Variants in COBL observed in about 807,000 individuals in gnomAD.
COBL encodes the protein cordon-bleu WH2 repeat protein, also known as protein cordon-bleu.
A neutral mutation model predicts 98.8 loss-of-function variants in COBL; 51 were observed. The observed-to-expected ratio is 0.52, with a 90% CI of 0.41 to 0.65. The LOEUF (loss-of-function observed/expected upper bound fraction) is 0.65, where lower values mean the gene tolerates loss of function less well. COBL is among the 30% of genes least tolerant of loss of function. COBL has a pLI of 0.00. For synonymous variants in COBL, 634 were observed against 651.7 expected (o/e 0.97, Z 0.41); for missense variants, 1,617 against 1,617.5 (o/e 1.00, Z 0.01).
chr7:51,291,160 C>T (rs766802619), intron 1 of COBL, among the ~76,000 whole-genome samples: 1 of 152,084 alleles, frequency 6.6e-6, no homozygotes, highest in Non-Finnish European at 1.5e-5. Flanking sequence ...AGGGGCACAG[C>T]GGGGAACAGG....
intron 1 of COBL, chr7:51,259,671 G>C (rs1267413043): frequency 1.4e-6 from 1 of 736,768 alleles, no homozygotes; most frequent in Non-Finnish European, 2.5e-6. Flanking sequence ...TTGTCTGTCT[G>C]AGGGATGGTC....
rs574842468 is a variant in COBL at position 51,264,255 on chromosome 7, C to T, written c.42-44311G>A. ...AATGGCAGGGCAGAAGGGGCTCAAA[C>T]GTTCTTCCTTTAGGGGCCTGGCTGA... On this transcript the variant is annotated intron_variant, in intron 1 of 12. Transcript: ENST00000265136. 2.0e-5 allele frequency among the ~76,000 whole-genome samples: 3 copies of T among 152,282 alleles called. No individual in the cohort carries two copies. In the South Asian group the frequency reaches 6.2e-4, roughly 32 times the overall value.
intron 1 of COBL, among the ~76,000 whole-genome samples, chr7:51,232,807 C>T (rs1051560747): frequency 6.6e-6 from 1 of 151,464 alleles, no homozygotes; most frequent in Non-Finnish European, 1.5e-5. Flanking sequence ...AGAGACCCCA[C>T]CACAAAAAAA....
intron 6 of COBL, among the ~76,000 whole-genome samples, chr7:51,086,456 T>A (rs2128942153): frequency 6.8e-6 from 1 of 147,554 alleles, no homozygotes; most frequent in East Asian, 2.1e-4. Context: ...AGTCTGTACC[T>A]CCAGTCCAAG....
chr7:51,039,213 C>G (rs535258638), intron 8 of COBL, among the ~76,000 whole-genome samples: 1 of 152,344 alleles, frequency 6.6e-6, no homozygotes, highest in South Asian at 2.1e-4. Context: ...CTCCTCTTTG[C>G]TATTGTTTCT....
In COBL at chr7:51,028,340, T is replaced by C; in HGVS notation, c.2756A>G (p.His919Arg). ...TVKDDRTSSP[H>R]SETQGWKDGA... Reference sequence around the variant, plus strand: ...ATCCTTCCATCCTTGTGTCTCTGAGTGTGGGCTGGATGTCCTGTCATCTTT... The same window carrying C: ...ATCCTTCCATCCTTGTGTCTCTGAGCGTGGGCTGGATGTCCTGTCATCTTT... Residue 919 changes from histidine (H) to arginine (R), a missense_variant, in exon 10 of 13, where the codon CAC (histidine) becomes CGC (arginine). His to Arg is a conservative substitution (Grantham distance 29). Coordinates refer to ENST00000265136, the MANE Select transcript of COBL (RefSeq NM_015198.5). The C allele has an allele frequency of 6.2e-7, 1 of 1,614,226 alleles. No individual in the cohort carries two copies. The highest frequency in any genetic ancestry group is 8.5e-7 in the Non-Finnish European group (1 of 1,180,040).
chr7:51,215,494 TA>T lies in COBL; in HGVS notation c.245+4246del, dbSNP rs537738507. On this transcript the variant is annotated intron_variant, in intron 2 of 12. Coordinates refer to ENST00000265136, the MANE Select transcript of COBL (RefSeq NM_015198.5). ...TGATGAGTGAAGATCCAGATGATCA[TA>T]CCCACTGAACATACCAAGACTCACT... Among the ~76,000 whole-genome samples, 9 of 152,334 alleles carry T rather than the reference TA, an allele frequency of 5.9e-5. No homozygotes were observed. In the East Asian group the frequency reaches 1.5e-3, roughly 26 times the overall value.
chr7:51,308,606 G>A (rs1802708203), intron 1 of COBL, among the ~76,000 whole-genome samples: 1 of 152,176 alleles, frequency 6.6e-6, no homozygotes. Flanking sequence ...GAGCACTTAT[G>A]ATAAGACAAC....
In COBL at chr7:51,193,593, A is replaced by C; in HGVS notation, c.246-4T>G. Reference sequence around the variant, plus strand: ...CAGTAGGTCCATCATCGCATGGCTGAAAAAAGGAAAACAAATCATGATTAT... The same window carrying C: ...CAGTAGGTCCATCATCGCATGGCTGCAAAAAGGAAAACAAATCATGATTAT... On this transcript the variant is annotated splice_polypyrimidine_tract_variant and splice_region_variant and intron_variant, in intron 2 of 12. Transcript: ENST00000265136. 1 of 1,612,744 alleles carries C rather than the reference A, an allele frequency of 6.2e-7. No individual in the cohort carries two copies. The highest frequency in any genetic ancestry group is 8.5e-7 in the Non-Finnish European group (1 of 1,178,868).
rs187964835 is a variant in COBL, at chr7:51,169,342, C to T, written c.783+14760G>A. On this transcript the variant is annotated intron_variant, in intron 5 of 12. Coordinates refer to ENST00000265136, the MANE Select transcript of COBL (RefSeq NM_015198.5). ...TACTGATTGATGTATTATGTCCCCCCAAAATGTATAAAAGCAAGCTGTACC... is the reference window on the plus strand; with the variant it reads ...TACTGATTGATGTATTATGTCCCCCTAAAATGTATAAAAGCAAGCTGTACC... Among the ~76,000 whole-genome samples the T allele has an allele frequency of 1.3e-3, 195 of 152,228 alleles. 1 individual carries two copies. The highest frequency in any genetic ancestry group is 4.5e-3 in the African/African-American group (189 of 41,542).
At chr7:51,047,942 G>A (rs941187654) in intron 7 of COBL, among the ~76,000 whole-genome samples, 7 of 152,158 alleles carry the variant, frequency 4.6e-5, no homozygotes, top group African/African-American at 1.4e-4. Flanking sequence ...TGACGTGGGC[G>A]GATCACTTGA....
At chr7:51,152,117 A>G (rs964798019) in intron 5 of COBL, among the ~76,000 whole-genome samples, 1 of 152,198 alleles carries the variant, frequency 6.6e-6, no homozygotes, top group African/African-American at 2.4e-5. Flanking sequence ...GCATTACAGG[A>G]AAGTGCCAAG....
At chr7:51,065,220 G>A (rs1202581768) in intron 7 of COBL, 3 of 703,318 alleles carry the variant, frequency 4.3e-6, no homozygotes, top group East Asian at 5.4e-5. Flanking sequence ...GTGCGTGTGT[G>A]TGTCTAAGTG....
intron 1 of COBL, among the ~76,000 whole-genome samples, chr7:51,303,168 T>C (rs1802143537): frequency 6.6e-6 from 1 of 152,204 alleles, no homozygotes; most frequent in African/African-American, 2.4e-5. Flanking sequence ...TGCTTTTACA[T>C]TCGGATGCAG....
At chr7:51,136,453 C>T (rs1432407546) in intron 5 of COBL, 122 bp from the exon 6 acceptor site, 2 of 1,058,548 alleles carry the variant, frequency 1.9e-6, no homozygotes, top group East Asian at 2.6e-5. Context: ...GCTGTTTCTA[C>T]AGTCAGCTTG....
chr7:51,123,009 T>C (rs1157815347), intron 6 of COBL, among the ~76,000 whole-genome samples: 4 of 151,540 alleles, frequency 2.6e-5, no homozygotes, highest in African/African-American at 9.7e-5. Context: ...TTGAATGACA[T>C]AATTATTTTT....
intron 1 of COBL, among the ~76,000 whole-genome samples, chr7:51,227,907 A>G (rs562923563): frequency 1.4e-4 from 22 of 152,306 alleles, no homozygotes; most frequent in Non-Finnish European, 2.9e-4. Flanking sequence ...GAAGATCCAG[A>G]TAAGTAAGGG....
chr7:51,142,343 T>C (rs1438645953), intron 5 of COBL, among the ~76,000 whole-genome samples: 11 of 152,074 alleles, frequency 7.2e-5, no homozygotes, highest in Non-Finnish European at 1.2e-4. Flanking sequence ...CAAGACATTT[T>C]CTTAAAATGA....
At chr7:51,228,204 G>A (rs1019899604) in intron 1 of COBL, among the ~76,000 whole-genome samples, 2 of 152,100 alleles carry the variant, frequency 1.3e-5, no homozygotes, top group African/African-American at 4.8e-5. Context: ...ATAAGCTCCT[G>A]TAATCTGTAG....
Sources: allele counts gnomAD v4.1 joint callset (sites outside exome capture counted in the v4.1 genomes callset), GRCh38; gene constraint gnomAD v4.1.1; transcripts MANE v1.5; gene names NCBI Gene and HGNC (gene_info 2026-07-23, HGNC 2026-07-21).